The following SRD5A2 variants were observed in gnomAD, a reference collection of about 807,000 sequenced individuals.
SRD5A2 encodes the protein steroid 5 alpha-reductase 2, also known as 3-oxo-5-alpha-steroid 4-dehydrogenase 2.
SRD5A2 carries 30 observed loss-of-function variants against 27.4 expected under a neutral mutation model. The ratio of observed to expected loss-of-function variants is 1.10; its 90% CI spans 0.82 to 1.49. The LOEUF (loss-of-function observed/expected upper bound fraction) is 1.49, where lower values mean the gene tolerates loss of function less well. Ranked by LOEUF, SRD5A2 falls within the 40% of genes most tolerant of loss-of-function variation. The probability of loss-of-function intolerance (pLI) is 0.00; values close to 1 mark genes in which losing one functional copy is unlikely to be tolerated. For missense variants in SRD5A2, 348 were observed against 323.4 expected, an observed-to-expected ratio of 1.08 and a Z score of -0.58; for synonymous variants, 141 against 133.6, an observed-to-expected ratio of 1.06 and a Z score of -0.38.
At chr2:31,654,442 G>A in the SRD5A2 span, among the ~76,000 whole-genome samples, 2 of 152,134 alleles carry the variant, frequency 1.3e-5, no homozygotes, top group African/African-American at 4.8e-5. Context: ...GTCAGAGTAG[G>A]AAGCTATCAG....
At chr2:31,634,438 G>C in the SRD5A2 span, among the ~76,000 whole-genome samples, 1 of 152,060 alleles carries the variant, frequency 6.6e-6, no homozygotes, top group African/African-American at 2.4e-5. Context: ...GGATGGGGGC[G>C]TATATCTGAA....
At chr2:31,661,188 C>G in the SRD5A2 span, among the ~76,000 whole-genome samples, 1 of 152,098 alleles carries the variant, frequency 6.6e-6, no homozygotes, top group Admixed American at 6.6e-5. Context: ...AAGATACCAC[C>G]GGAATCTGGC....
the SRD5A2 span, among the ~76,000 whole-genome samples, chr2:31,624,249 T>C: frequency 2.0e-5 from 3 of 151,986 alleles, no homozygotes; most frequent in African/African-American, 4.8e-5. Flanking sequence ...TATACTCTTT[T>C]AGTTACTTTA....
At chr2:31,577,586 G>T (rs966355125) in intron 1 of SRD5A2, among the ~76,000 whole-genome samples, 2 of 152,164 alleles carry the variant, frequency 1.3e-5, no homozygotes, top group Non-Finnish European at 1.5e-5. Flanking sequence ...TATTTGATGG[G>T]ACATATTGCT....
At chr2:31,594,173 T>C in the SRD5A2 span, among the ~76,000 whole-genome samples, 1 of 152,196 alleles carries the variant, frequency 6.6e-6, no homozygotes. Context: ...ACAACTAGCA[T>C]GATGAACACA....
intron 1 of SRD5A2, among the ~76,000 whole-genome samples, chr2:31,565,757 G>C (rs1468908494): frequency 6.6e-6 from 1 of 151,866 alleles, no homozygotes; most frequent in Non-Finnish European, 1.5e-5. Flanking sequence ...CTACAATTTT[G>C]ATCAGATATC....
chr2:31,652,919 G>A, the SRD5A2 span, among the ~76,000 whole-genome samples: 1 of 152,084 alleles, frequency 6.6e-6, no homozygotes, highest in Non-Finnish European at 1.5e-5. Flanking sequence ...CTCTGCCAAT[G>A]TGTGAGACTC....
At chr2:31,549,101 T>TTAA (rs1666326248) in intron 1 of SRD5A2, among the ~76,000 whole-genome samples, 1 of 145,532 alleles carries the variant, frequency 6.9e-6, no homozygotes, top group Non-Finnish European at 1.5e-5. Context: ...ATTATTATTA[T>TTAA]TATTATTATT....
Position 31,525,264 on chromosome 2 carries a change from G to A in SRD5A2, c.*932C>T, listed in dbSNP as rs1317338170. The A allele has an allele frequency of 8.9e-6, 2 of 223,584 alleles. No homozygotes were observed. Among genetic ancestry groups the A allele is most frequent in the Non-Finnish European group, 1.8e-5 (2 of 112,036 alleles). 13.9% of individuals were successfully genotyped at this position (223,584 alleles called of 1,614,324 possible). ...CTTCTGCTGTACTTCATATTGTTGT[G>A]GACATCTGGTGGAGGCAAGCAGCAT... On this transcript the variant is annotated 3_prime_UTR_variant, in exon 5 of 5. Transcript: ENST00000622030.
the SRD5A2 span, among the ~76,000 whole-genome samples, chr2:31,623,939 C>T: frequency 6.6e-6 from 1 of 152,056 alleles, no homozygotes; most frequent in South Asian, 2.1e-4. Flanking sequence ...AACCTTACAT[C>T]CCAGGGATGA....
intron 1 of SRD5A2, among the ~76,000 whole-genome samples, chr2:31,538,481 T>G (rs746323869): frequency 6.6e-6 from 1 of 152,230 alleles, no homozygotes; most frequent in African/African-American, 2.4e-5. Context: ...CCTCCTCATT[T>G]GACCACCACA....
chr2:31,623,447 C>A, the SRD5A2 span, among the ~76,000 whole-genome samples: 2 of 152,064 alleles, frequency 1.3e-5, no homozygotes, highest in Non-Finnish European at 2.9e-5. Flanking sequence ...ATTACGTTTC[C>A]ACCATCTCAG....
At chr2:31,585,641 A>T (rs1423373589), upstream of SRD5A2, among the ~76,000 whole-genome samples, 1 of 152,184 alleles carries the variant, frequency 6.6e-6, no homozygotes, top group African/African-American at 2.4e-5. Context: ...GGCTCTGAAT[A>T]ACCAGCAGTG....
At chr2:31,626,241 C>A in the SRD5A2 span, among the ~76,000 whole-genome samples, 5 of 152,268 alleles carry the variant, frequency 3.3e-5, no homozygotes, top group South Asian at 1.0e-3. Flanking sequence ...TGCTTATCAG[C>A]TTAAGGAGAT....
At chr2:31,540,498 G>C (rs549780277) in intron 1 of SRD5A2, among the ~76,000 whole-genome samples, 7 of 152,248 alleles carry the variant, frequency 4.6e-5, no homozygotes, top group Non-Finnish European at 7.4e-5. Context: ...TAATAAAAAG[G>C]GGAAAAGATG....
the SRD5A2 span, among the ~76,000 whole-genome samples, chr2:31,591,516 G>C: frequency 6.6e-6 from 1 of 151,944 alleles, no homozygotes; most frequent in South Asian, 2.1e-4. Context: ...AACCATTGTG[G>C]AAGTCAGTGT....
chr2:31,547,705 A>G (rs1218716277), intron 1 of SRD5A2, among the ~76,000 whole-genome samples: 1 of 152,132 alleles, frequency 6.6e-6, no homozygotes, highest in African/African-American at 2.4e-5. Flanking sequence ...ATTGGCTTCC[A>G]TGGTTCTAAG....
At position 31,526,024 on chromosome 2, in the gene SRD5A2, G is replaced by T; in HGVS notation, c.*172C>A. 1.9e-6 allele frequency: 1 copy of T among 520,978 alleles called. No homozygotes were observed. The allele number at this position is 520,978 out of a possible 1,614,324, so 32.3% of individuals were successfully genotyped here. On this transcript the variant is annotated 3_prime_UTR_variant, in exon 5 of 5. Transcript: ENST00000622030. Reference sequence around the variant, plus strand: ...CAGGATAGGGGTCCCTGGAAGGGTAGGAGTAAACTCTAAGCAGACACCACT... The same window carrying T: ...CAGGATAGGGGTCCCTGGAAGGGTATGAGTAAACTCTAAGCAGACACCACT...
chr2:31,659,405 T>G, the SRD5A2 span, among the ~76,000 whole-genome samples: 1 of 152,130 alleles, frequency 6.6e-6, no homozygotes, highest in South Asian at 2.1e-4. Flanking sequence ...CCTATTTGCA[T>G]GCAATATGAT....
Sources: allele counts gnomAD v4.1 joint callset (sites outside exome capture counted in the v4.1 genomes callset), GRCh38; gene constraint gnomAD v4.1.1; transcripts MANE v1.5; gene names NCBI Gene and HGNC (gene_info 2026-07-23, HGNC 2026-07-21).